Variants in IQCK observed in about 807,000 individuals in gnomAD.
IQCK encodes the protein IQ motif containing K.
Under a neutral mutation model 28.1 loss-of-function variants are expected in IQCK, and 29 were observed. The observed-to-expected ratio is 1.03, with a 90% CI of 0.77 to 1.41. IQCK has a LOEUF of 1.41. Among genes scored for constraint, IQCK ranks in the 40% most tolerant of loss-of-function variants. The pLI, the probability that IQCK is intolerant of heterozygous loss-of-function variation, is 0.00. For missense variants in IQCK, 359 were observed against 314.7 expected (o/e 1.14, Z -1.07); for synonymous variants, 113 against 115.1 (o/e 0.98, Z 0.12).
chr16:19,818,368 A>G (rs1054758565), intron 7 of IQCK, among the ~76,000 whole-genome samples: 2 of 151,714 alleles, frequency 1.3e-5, no homozygotes, highest in African/African-American at 2.4e-5. Context: ...GTGTGTGTGT[A>G]TACACATATA....
chr16:19,799,640 A>ACC (rs1555519987), intron 7 of IQCK, among the ~76,000 whole-genome samples: 1,221 of 111,794 alleles, frequency 0.011, 193 homozygotes, highest in African/African-American at 0.052. Context: ...ACACACACAC[A>ACC]CCCAGTGAAT....
At chr16:19,722,214 A>T (rs1977516768) in intron 1 of IQCK, among the ~76,000 whole-genome samples, 1 of 152,174 alleles carries the variant, frequency 6.6e-6, no homozygotes, top group South Asian at 2.1e-4. Flanking sequence ...CTCTTAGCAT[A>T]GGATGCGTTC....
chr16:19,842,051 G>A (rs1257631124), intron 9 of IQCK, among the ~76,000 whole-genome samples: 1 of 152,004 alleles, frequency 6.6e-6, no homozygotes, highest in Non-Finnish European at 1.5e-5. Context: ...TCACCATGTT[G>A]GCCAGGCTGG....
At chr16:19,753,750 A>C (rs1473036189) in intron 4 of IQCK, among the ~76,000 whole-genome samples, 1 of 151,954 alleles carries the variant, frequency 6.6e-6, no homozygotes, top group African/African-American at 2.4e-5. Flanking sequence ...GAACTCTGTG[A>C]TATAACTGAG....
intron 7 of IQCK, among the ~76,000 whole-genome samples, chr16:19,822,851 C>T (rs1023942301): frequency 4.6e-5 from 7 of 152,044 alleles, no homozygotes; most frequent in African/African-American, 1.7e-4. Context: ...GTTTATGCTA[C>T]GTGTATTTGA....
chr16:19,781,155 T>C (rs775772475), intron 6 of IQCK, among the ~76,000 whole-genome samples: 4 of 152,188 alleles, frequency 2.6e-5, no homozygotes, highest in South Asian at 2.1e-4. Context: ...ATTTTTCCTT[T>C]AGTCACACTA....
chr16:19,749,964 G>A (rs2054964126), intron 4 of IQCK, among the ~76,000 whole-genome samples: 2 of 152,042 alleles, frequency 1.3e-5, no homozygotes, highest in Admixed American at 1.3e-4. Context: ...AGAATTTGGA[G>A]CCATTTTCAC....
At chr16:19,718,611 G>A (rs1333636747) in intron 1 of IQCK, 124 bp downstream of exon 1, 2 of 880,804 alleles carry the variant, frequency 2.3e-6, no homozygotes, top group African/African-American at 3.6e-5. Context: ...GGCTCCGCGG[G>A]CCCGGGCTCC....
At chr16:19,718,343 C>T (rs914653180) in exon 1 of IQCK, 2 of 1,609,882 alleles carry the variant, frequency 1.2e-6, no homozygotes, top group Non-Finnish European at 1.7e-6. Context: ...CCACATAGTG[C>T]GCCTCAAGCC....
chr16:19,793,658 T>G (rs797004277), intron 7 of IQCK, among the ~76,000 whole-genome samples: 18 of 132,614 alleles, frequency 1.4e-4, no homozygotes, highest in Non-Finnish European at 9.2e-5. Flanking sequence ...TTTTTTTTTT[T>G]TTTTTTTTTT....
At chr16:19,774,200 C>T (rs1309161817) in intron 6 of IQCK, among the ~76,000 whole-genome samples, 1 of 152,166 alleles carries the variant, frequency 6.6e-6, no homozygotes, top group African/African-American at 2.4e-5. Context: ...AGCTCCACCA[C>T]TTCCAGCTGT....
chr16:19,833,823 G>A (rs1332700884), intron 9 of IQCK, among the ~76,000 whole-genome samples: 1 of 152,116 alleles, frequency 6.6e-6, no homozygotes, highest in Admixed American at 6.5e-5. Context: ...TGGAGGCTGT[G>A]GTCACAGCTG....
chr16:19,718,316 C>A, exon 1 of IQCK: 1 of 1,606,652 alleles, frequency 6.2e-7, no homozygotes, highest in East Asian at 2.2e-5. Context: ...CATGGCGGCA[C>A]CGCGGCAAAT....
chr16:19,735,350 T>C lies in IQCK; in HGVS notation c.377-3T>C. The C allele has an allele frequency of 6.2e-7, 1 of 1,610,896 alleles. No individual in the cohort carries two copies. Among genetic ancestry groups the C allele is most frequent in the Non-Finnish European group, 8.5e-7 (1 of 1,177,036 alleles). On this transcript the variant is annotated splice_polypyrimidine_tract_variant and splice_region_variant and intron_variant, in intron 3 of 7. Transcript: ENST00000564186. ...AGGGGGAATTTTTGTTTGTTTGTTT[T>C]AGGTTCTCCCAAAGAATATTTGGAA...
chr16:19,748,944 T>C (rs1567541749), intron 4 of IQCK, among the ~76,000 whole-genome samples: 1 of 152,198 alleles, frequency 6.6e-6, no homozygotes. Context: ...TATTTCAGCC[T>C]TCTCTTGAGA....
chr16:19,739,936 A>C (rs1022686902), intron 4 of IQCK, among the ~76,000 whole-genome samples: 9 of 151,964 alleles, frequency 5.9e-5, no homozygotes, highest in South Asian at 4.2e-4. Flanking sequence ...CTTTTTCATC[A>C]CCTCCCTTTT....
chr16:19,846,794 T>C (rs562893246), intron 9 of IQCK, among the ~76,000 whole-genome samples: 37 of 152,340 alleles, frequency 2.4e-4, no homozygotes, highest in Non-Finnish European at 3.4e-4. Context: ...TTTGTTCTTC[T>C]AGTTGGGGGC....
chr16:19,744,350 C>CA (rs1449105458), intron 4 of IQCK, among the ~76,000 whole-genome samples: 1 of 152,126 alleles, frequency 6.6e-6, no homozygotes, highest in African/African-American at 2.4e-5. Flanking sequence ...AGGCTGGTCT[C>CA]AAACTCCTGA....
chr16:19,842,266 C>T (rs968040966), intron 9 of IQCK, among the ~76,000 whole-genome samples: 1 of 152,130 alleles, frequency 6.6e-6, no homozygotes, highest in African/African-American at 2.4e-5. Context: ...TATCAACATG[C>T]TTTGCTTATT....
Sources: allele counts gnomAD v4.1 joint callset (sites outside exome capture counted in the v4.1 genomes callset), GRCh38; gene constraint gnomAD v4.1.1; transcripts MANE v1.5; gene names NCBI Gene and HGNC (gene_info 2026-07-23, HGNC 2026-07-21).